GLIS3: variants seen among roughly 807,000 people sequenced by gnomAD.
GLIS3 encodes zinc finger protein GLIS3.
Under a neutral mutation model 78.6 loss-of-function variants are expected in GLIS3, and 53 were observed. That is an observed-to-expected ratio of 0.67 (90% confidence interval 0.54 to 0.85). The LOEUF is 0.85. GLIS3 is among the 40% of genes least tolerant of loss of function. The pLI is 0.00. For missense variants in GLIS3, 1,703 were observed against 1,231.1 expected, an observed-to-expected ratio of 1.38 and a Z score of -5.74; for synonymous variants, 684 against 509.9, an observed-to-expected ratio of 1.34 and a Z score of -4.60.
intron 4 of GLIS3, among the ~76,000 whole-genome samples, chr9:3,993,361 T>C (rs1417711055): frequency 6.6e-6 from 1 of 152,196 alleles, no homozygotes; most frequent in Non-Finnish European, 1.5e-5. Context: ...ACTTTAAAAG[T>C]AGCTTATTTT....
At chr9:3,910,951 T>C (rs889128139) in intron 6 of GLIS3, among the ~76,000 whole-genome samples, 6 of 152,152 alleles carry the variant, frequency 3.9e-5, no homozygotes, top group Non-Finnish European at 8.8e-5. Context: ...TACATGTAAA[T>C]GACATCCAAA....
the GLIS3 span, among the ~76,000 whole-genome samples, chr9:4,354,513 A>G: frequency 6.6e-6 from 1 of 152,192 alleles, no homozygotes. Context: ...CCCTACAATA[A>G]TAACTGCTTA....
At chr9:4,044,771 A>T (rs1237657904) in intron 4 of GLIS3, among the ~76,000 whole-genome samples, 1 of 152,212 alleles carries the variant, frequency 6.6e-6, no homozygotes, top group African/African-American at 2.4e-5. Context: ...TTGAAAAGAA[A>T]AGCAAAAACC....
the GLIS3 span, among the ~76,000 whole-genome samples, chr9:4,374,430 T>C: frequency 6.6e-6 from 1 of 152,246 alleles, no homozygotes; most frequent in Non-Finnish European, 1.5e-5. Context: ...GAACCAATAT[T>C]GGGTCTAATA....
chr9:4,419,705 A>G, the GLIS3 span, among the ~76,000 whole-genome samples: 11 of 151,952 alleles, frequency 7.2e-5, no homozygotes, highest in Admixed American at 5.9e-4. Flanking sequence ...GCTTGAACCC[A>G]GGAGGCAGAA....
At chr9:4,460,469 C>T in the GLIS3 span, among the ~76,000 whole-genome samples, 1 of 152,172 alleles carries the variant, frequency 6.6e-6, no homozygotes, top group African/African-American at 2.4e-5. Flanking sequence ...CTTCTCCAGC[C>T]ACATTCCTGT....
the GLIS3 span, among the ~76,000 whole-genome samples, chr9:4,467,106 G>A: frequency 2.5e-4 from 38 of 152,324 alleles, no homozygotes; most frequent in African/African-American, 4.1e-4. Context: ...CATTGCTGAC[G>A]CTTGAGCAGG....
chr9:4,224,655 C>T (rs1375306944), intron 2 of GLIS3, among the ~76,000 whole-genome samples: 3 of 152,128 alleles, frequency 2.0e-5, no homozygotes, highest in Non-Finnish European at 2.9e-5. Flanking sequence ...GTCCTAACTT[C>T]ACCCTTTGTT....
At chr9:4,484,604 G>C in the GLIS3 span, among the ~76,000 whole-genome samples, 3 of 151,674 alleles carry the variant, frequency 2.0e-5, no homozygotes, top group Non-Finnish European at 2.9e-5. Context: ...TTTTAGTAGG[G>C]ACAGGTTTCA....
At chr9:4,484,563 C>T in the GLIS3 span, among the ~76,000 whole-genome samples, 1 of 151,690 alleles carries the variant, frequency 6.6e-6, no homozygotes, top group Non-Finnish European at 1.5e-5. Context: ...GGATTACAGG[C>T]CCTGCCACCA....
the GLIS3 span, among the ~76,000 whole-genome samples, chr9:4,457,407 G>A: frequency 1.3e-5 from 2 of 151,610 alleles, no homozygotes; most frequent in Non-Finnish European, 2.9e-5. Context: ...GGAATTGATT[G>A]CATTGATTGC....
At chr9:3,964,457 C>G (rs1817782738) in intron 4 of GLIS3, among the ~76,000 whole-genome samples, 1 of 152,226 alleles carries the variant, frequency 6.6e-6, no homozygotes, top group Non-Finnish European at 1.5e-5. Context: ...TTCTACCTAT[C>G]TGAAATTTTC....
At chr9:4,357,770 G>C in the GLIS3 span, among the ~76,000 whole-genome samples, 1 of 152,114 alleles carries the variant, frequency 6.6e-6, no homozygotes, top group East Asian at 1.9e-4. Flanking sequence ...GAAATACCTG[G>C]ACATGGTCAA....
the GLIS3 span, among the ~76,000 whole-genome samples, chr9:4,375,405 T>C: frequency 1.3e-5 from 2 of 152,204 alleles, no homozygotes; most frequent in Non-Finnish European, 2.9e-5. Flanking sequence ...CTTTATACCT[T>C]TAATGAAGGA....
chr9:3,957,344 C>T (rs898414968), intron 4 of GLIS3, among the ~76,000 whole-genome samples: 1 of 152,216 alleles, frequency 6.6e-6, no homozygotes, highest in African/African-American at 2.4e-5. Context: ...TTTGCTTTCA[C>T]CTTTATAATT....
chr9:4,123,158 A>T (rs1377117732), intron 3 of GLIS3, among the ~76,000 whole-genome samples: 2 of 152,188 alleles, frequency 1.3e-5, no homozygotes, highest in African/African-American at 4.8e-5. Flanking sequence ...AGATTTATTT[A>T]TGAAAACTTT....
chr9:4,033,097 C>G (rs1352434561), intron 4 of GLIS3, among the ~76,000 whole-genome samples: 3 of 152,062 alleles, frequency 2.0e-5, no homozygotes, highest in Admixed American at 6.5e-5. Context: ...TTGTGATCCA[C>G]CTGCCTCAGT....
intron 4 of GLIS3, among the ~76,000 whole-genome samples, chr9:4,103,735 C>T (rs1830550762): frequency 6.6e-6 from 1 of 152,120 alleles, no homozygotes; most frequent in African/African-American, 2.4e-5. Flanking sequence ...AGCATAAGAC[C>T]ATGAGGGTGG....
chr9:4,001,071 G>A (rs994586338), intron 4 of GLIS3, among the ~76,000 whole-genome samples: 1 of 152,144 alleles, frequency 6.6e-6, no homozygotes, highest in Non-Finnish European at 1.5e-5. Context: ...CATGCACTGT[G>A]CCAGGCACTA....
Sources: allele counts gnomAD v4.1 joint callset (sites outside exome capture counted in the v4.1 genomes callset), GRCh38; gene constraint gnomAD v4.1.1; transcripts MANE v1.5; gene names NCBI Gene and HGNC (gene_info 2026-07-23, HGNC 2026-07-21).